Variants in TRIM14 observed in about 807,000 individuals in gnomAD.
TRIM14 encodes tripartite motif containing 14.
TRIM14 carries 28 observed loss-of-function variants against 44.5 expected under a neutral mutation model. That is an observed-to-expected ratio of 0.63 (90% CI 0.47 to 0.86). The LOEUF is 0.86. TRIM14 is among the 40% of genes least tolerant of loss of function. TRIM14 has a pLI of 0.00. For missense variants in TRIM14, 607 were observed against 611.1 expected (o/e 0.99, Z 0.07); for synonymous variants, 299 against 269.2 (o/e 1.11, Z -1.08).
At chr9:98,057,917 T>C in the TRIM14 span, among the ~76,000 whole-genome samples, 12 of 119,254 alleles carry the variant, frequency 1.0e-4, no homozygotes, top group African/African-American at 2.2e-4. Flanking sequence ...TTTTTTTTTT[T>C]CCTGGTTTTT....
chr9:98,056,930 G>T, the TRIM14 span: 129 of 1,598,530 alleles, frequency 8.1e-5, no homozygotes, highest in Non-Finnish European at 1.1e-4. Context: ...CGCATGATCC[G>T]CATGGCCAAG....
the TRIM14 span, among the ~76,000 whole-genome samples, chr9:98,062,804 G>C: frequency 3.1e-5 from 4 of 128,218 alleles, no homozygotes; most frequent in Non-Finnish European, 4.8e-5. Context: ...TTTTGAGACA[G>C]AGTCTCAAAA....
rs1825796269 is a variant in TRIM14, at chr9:98,086,986, T to G, written c.*484A>C. 1 of 264,174 alleles carries G rather than the reference T, an allele frequency of 3.8e-6. No individual in the cohort carries two copies. The highest frequency in any genetic ancestry group is 7.5e-6 in the Non-Finnish European group (1 of 133,050). The allele number at this position is 264,174 out of a possible 1,614,324, so 16.4% of individuals were successfully genotyped here. On this transcript the variant is annotated 3_prime_UTR_variant, in exon 6 of 6. Transcript: ENST00000341469. ...GCAGCTTCTGGAGGGAGCTGTGATG[T>G]GGACACGCTGAAATCGGTGGGGAGG...
rs116721966 is a variant in TRIM14, at chr9:98,101,705, C to A, written c.304-1541G>T. ...CAAAGTGCTGGATTACAGGCATGAG[C>A]CACTGCACCTGGCCTCAAAGTTTTA... On this transcript the variant is annotated intron_variant, in intron 2 of 5. Coordinates refer to ENST00000341469, the MANE Select transcript of TRIM14 (RefSeq NM_014788.4). 3.7e-3 allele frequency among the ~76,000 whole-genome samples: 570 copies of A among 152,294 alleles called. 5 individuals carry two copies. Among genetic ancestry groups the A allele is most frequent in the African/African-American group, 0.012 (507 of 41,564 alleles).
At chr9:98,037,804 C>G in the TRIM14 span, among the ~76,000 whole-genome samples, 1 of 152,168 alleles carries the variant, frequency 6.6e-6, no homozygotes, top group Non-Finnish European at 1.5e-5. Context: ...GACCCCGTGA[C>G]CTAGCACTCT....
At chr9:98,059,409 T>G in the TRIM14 span, among the ~76,000 whole-genome samples, 45,104 of 151,832 alleles carry the variant, frequency 0.3, 8,391 homozygotes, top group African/African-American at 0.52. Context: ...ATTACTCTTT[T>G]TCTTGAGTAG....
At chr9:98,066,474 C>T (rs777749260), downstream of TRIM14, among the ~76,000 whole-genome samples, 9 of 152,082 alleles carry the variant, frequency 5.9e-5, no homozygotes, top group African/African-American at 1.2e-4. Context: ...TATTGACACA[C>T]CATCCAATTC....
downstream of TRIM14, among the ~76,000 whole-genome samples, chr9:98,082,487 A>G (rs1315339985): frequency 1.3e-5 from 2 of 152,238 alleles, no homozygotes; most frequent in Admixed American, 1.3e-4. Flanking sequence ...TTCCACGTAC[A>G]TTCTGTAATA....
rs759454949 is a variant in TRIM14 at position 98,087,430 on chromosome 9, G to T, written c.*40C>A. The T allele has an allele frequency of 2.4e-5, 38 of 1,608,044 alleles. No homozygotes were observed. The highest frequency in any genetic ancestry group is 1.7e-4 in the Middle Eastern group (1 of 6,034). ...TAGGTAGATTAGGCGAGACTGGGCA[G>T]CTGCGGCGTACCTGGAGGCTGTCAC... On this transcript the variant is annotated 3_prime_UTR_variant, in exon 6 of 6. Transcript: ENST00000341469.
intron 4 of TRIM14, chr9:98,092,517 G>C: frequency 2.3e-6 from 1 of 428,616 alleles, no homozygotes; most frequent in Admixed American, 2.5e-5. Context: ...AGTGCCTTCC[G>C]CCCCCATCAC....
At chr9:98,057,094 C>G in the TRIM14 span, among the ~76,000 whole-genome samples, 1 of 152,368 alleles carries the variant, frequency 6.6e-6, no homozygotes, top group South Asian at 2.1e-4. Context: ...TCGGATCCCT[C>G]TTCCTCACCG....
chr9:98,076,891 A>G (rs1169304906), intron 6 of TRIM14: 4 of 1,572,056 alleles, frequency 2.5e-6, no homozygotes, highest in Non-Finnish European at 2.6e-6. Context: ...CAATGGTGAA[A>G]AGGAGCTCCC....
Position 98,085,835 on chromosome 9 carries a change from G to A in TRIM14, c.*1635C>T, listed in dbSNP as rs941771039. On this transcript the variant is annotated 3_prime_UTR_variant, in exon 6 of 6. Coordinates refer to ENST00000341469, the MANE Select transcript of TRIM14 (RefSeq NM_014788.4). ...TCAGTTTTATATGGTTCAAACTAAT[G>A]CACTGAAAGTCTATTTAAACCACGA... The A allele has an allele frequency of 6.6e-6, 1 of 152,140 alleles. No individual in the cohort carries two copies. The highest frequency in any genetic ancestry group is 1.5e-5 in the Non-Finnish European group (1 of 68,038). The allele number at this position is 152,140 out of a possible 1,614,324, so 9.4% of individuals were successfully genotyped here. A position where few individuals can be genotyped will look rare whatever the true frequency, so the allele number is the denominator to read the frequency against.
At position 98,091,783 on chromosome 9, in the gene TRIM14, TA is replaced by T. The variant is rs1004826011; in HGVS notation, c.793+125del. The T allele has an allele frequency of 6.5e-4, 215 of 329,058 alleles. 1 individual carries two copies. Among genetic ancestry groups the T allele is most frequent in the Admixed American group, 1.9e-3 (24 of 12,770 alleles). The allele number at this position is 329,058 out of a possible 1,614,324, so 20.4% of individuals were successfully genotyped here. On this transcript the variant is annotated intron_variant, in intron 5 of 5. Coordinates refer to ENST00000341469, the MANE Select transcript of TRIM14 (RefSeq NM_014788.4). ...AAACATTTTTTAAAAAACAAGTTCT[TA>T]AAATAAATAAATAAATAAATTCTAA...
At chr9:98,114,338 T>C (rs1240207106) in intron 1 of TRIM14, among the ~76,000 whole-genome samples, 1 of 152,102 alleles carries the variant, frequency 6.6e-6, no homozygotes, top group East Asian at 1.9e-4. Flanking sequence ...CCACAGACAA[T>C]TTGTTTTTTT....
chr9:98,082,626 A>C (rs141394881), downstream of TRIM14, among the ~76,000 whole-genome samples: 673 of 152,224 alleles, frequency 4.4e-3, 2 homozygotes, highest in African/African-American at 0.015. Flanking sequence ...TTTCCTTTGC[A>C]CTTTGTTGTA....
chr9:98,076,617 T>C (rs146423178), intron 6 of TRIM14: 3,287 of 318,172 alleles, frequency 0.01, 119 homozygotes, highest in African/African-American at 0.069. Flanking sequence ...TCAGGTGATC[T>C]GCCCGCCTCG....
At chr9:98,110,095 T>A in intron 1 of TRIM14, 111 bp from the exon 2 acceptor site, 1 of 814,684 alleles carries the variant, frequency 1.2e-6, no homozygotes, top group East Asian at 2.5e-5. Context: ...AATGGAGGCA[T>A]CTGAAGGTGA....
chr9:98,058,894 G>C, the TRIM14 span, among the ~76,000 whole-genome samples: 1 of 152,136 alleles, frequency 6.6e-6, no homozygotes, highest in Non-Finnish European at 1.5e-5. Flanking sequence ...TGAGAGCTCT[G>C]TTGCCCAAGG....
Sources: allele counts gnomAD v4.1 joint callset (sites outside exome capture counted in the v4.1 genomes callset), GRCh38; gene constraint gnomAD v4.1.1; transcripts MANE v1.5; gene names NCBI Gene and HGNC (gene_info 2026-07-23, HGNC 2026-07-21).